Variants in AFAP1 observed in about 807,000 individuals in gnomAD.
The protein encoded by AFAP1 is actin filament-associated protein 1.
AFAP1 carries 75 observed loss-of-function variants against 93.9 expected under a neutral mutation model. The ratio of observed to expected loss-of-function variants is 0.80; its 90% CI spans 0.66 to 0.97. The LOEUF (loss-of-function observed/expected upper bound fraction) is 0.97. Ranked by LOEUF, AFAP1 falls within the 50% of genes least tolerant of loss-of-function variation. The pLI is 0.00. For synonymous variants in AFAP1, 517 were observed against 430.7 expected, an observed-to-expected ratio of 1.20 and a Z score of -2.48; for missense variants, 1,201 against 1,050.8, an observed-to-expected ratio of 1.14 and a Z score of -1.98.
chr4:7,828,555 T>C (rs1277127270), intron 6 of AFAP1, among the ~76,000 whole-genome samples: 1 of 152,106 alleles, frequency 6.6e-6, no homozygotes, highest in Non-Finnish European at 1.5e-5. Flanking sequence ...TCCGGCCTGT[T>C]CTCTGCAGGC....
chr4:7,933,046 G>GT (rs1279297141), intron 1 of AFAP1, among the ~76,000 whole-genome samples: 1 of 150,452 alleles, frequency 6.6e-6, no homozygotes, highest in Non-Finnish European at 1.5e-5. Context: ...AAAAAGGGGG[G>GT]GGATCTTCAC....
chr4:7,853,446 G>A (rs867465277), intron 4 of AFAP1, among the ~76,000 whole-genome samples: 3 of 152,154 alleles, frequency 2.0e-5, no homozygotes, highest in East Asian at 3.9e-4. Flanking sequence ...CGCAGCTCAC[G>A]TGGGCTGTTG....
Position 7,775,191 on chromosome 4 carries a change from T to C in AFAP1, c.1898-288A>G, listed in dbSNP as rs1011255594. 45 of 319,368 alleles carry C rather than the reference T, an allele frequency of 1.4e-4. 1 individual carries two copies. In the South Asian group the frequency reaches 2.6e-3, roughly 19 times the overall value. 19.8% of individuals were successfully genotyped at this position (319,368 alleles called of 1,614,324 possible). ...ATAATGGGGTAACTCAAAAAGCCTG[T>C]TGAATCAGCCAACTCAGTAAACAAA... On this transcript the variant is annotated intron_variant, in intron 14 of 17. Coordinates refer to ENST00000420658, the MANE Select transcript of AFAP1 (RefSeq NM_001134647.2).
chr4:7,851,688 G>A (rs1283845984), intron 4 of AFAP1, among the ~76,000 whole-genome samples: 1 of 152,108 alleles, frequency 6.6e-6, no homozygotes, highest in Non-Finnish European at 1.5e-5. Flanking sequence ...TCAGCAACAC[G>A]GACTTCACTC....
At chr4:7,919,323 A>G (rs551778801) in intron 1 of AFAP1, among the ~76,000 whole-genome samples, 93 of 152,368 alleles carry the variant, frequency 6.1e-4, no homozygotes, top group African/African-American at 2.2e-3. Flanking sequence ...TCACTGCAAC[A>G]CAGAGCTTCA....
chr4:7,774,110 G>A (rs1208210022), intron 15 of AFAP1: 1 of 152,468 alleles, frequency 6.6e-6, no homozygotes. Context: ...CCAGGCTCAG[G>A]AGCTGAGCGC....
rs1342179299 is a variant in AFAP1, at chr4:7,912,814, G to C, written c.-3+26842C>G. 3.3e-5 allele frequency among the ~76,000 whole-genome samples: 5 copies of C among 152,084 alleles called. No homozygotes were observed. The East Asian group carries it at 7.7e-4, about 23-fold the overall frequency. ...TGTATGAGGTATGAGGTTTAGATCA[G>C]AGTTCAGGTTTTTTTTCTATGAATA... On this transcript the variant is annotated intron_variant, in intron 1 of 17. Coordinates refer to ENST00000420658, the MANE Select transcript of AFAP1 (RefSeq NM_001134647.2).
intron 1 of AFAP1, among the ~76,000 whole-genome samples, chr4:7,877,282 C>A (rs997810351): frequency 6.6e-6 from 1 of 152,226 alleles, no homozygotes; most frequent in Non-Finnish European, 1.5e-5. Context: ...TTTCTCACAA[C>A]GGGTCCTGTG....
chr4:7,939,176 A>T lies in AFAP1; in HGVS notation c.-3+480T>A, dbSNP rs7695170. The T allele has an allele frequency of 3.0e-5, 6 of 201,128 alleles. No individual in the cohort carries two copies. The allele number at this position is 201,128 out of a possible 1,614,324, so 12.5% of individuals were successfully genotyped here. On this transcript the variant is annotated intron_variant, in intron 1 of 17. Coordinates refer to ENST00000420658, the MANE Select transcript of AFAP1 (RefSeq NM_001134647.2). This position sits in a 1 kb window ranked among gnomAD's most constrained non-coding sequence, Gnocchi z 5.6. ...ACTCAGGAAGCCGTCATGCGGGGCC[A>T]AGAAAGAGCCCCCATCCAGAGTCAC...
At chr4:7,938,600 G>A (rs1721526788) in intron 1 of AFAP1, among the ~76,000 whole-genome samples, 1 of 152,068 alleles carries the variant, frequency 6.6e-6, no homozygotes, top group Admixed American at 6.5e-5. Flanking sequence ...ACCTCTAACT[G>A]TAACTGCCTT....
At chr4:7,848,131 GTGAGT>G (rs1713978260) in intron 4 of AFAP1, among the ~76,000 whole-genome samples, 4 of 118,118 alleles carry the variant, frequency 3.4e-5, no homozygotes, top group Admixed American at 9.5e-5. Flanking sequence ...AAGGAAGGGA[GTGAGT>G]GAGGGAGTGA....
In AFAP1 at chr4:7,759,791, T is replaced by G. The variant is rs188583120; in HGVS notation, c.*3974A>C. 1.8e-4 allele frequency: 27 copies of G among 152,396 alleles called. No homozygotes were observed. The highest frequency in any genetic ancestry group is 6.5e-4 in the African/African-American group (27 of 41,596). The allele number at this position is 152,396 out of a possible 1,614,324, so 9.4% of individuals were successfully genotyped here. A position where few individuals can be genotyped will look rare whatever the true frequency, so the allele number is the denominator to read the frequency against. The stretch of plus-strand genomic sequence containing the variant: ...GAAGAGGCTGTTTCAAGGATGGACA[T>G]CCACCTGAATGCAGGGGCCACCTGT... On this transcript the variant is annotated 3_prime_UTR_variant, in exon 18 of 18. Transcript: ENST00000420658.
chr4:7,848,325 G>A (rs982980809), intron 4 of AFAP1, among the ~76,000 whole-genome samples: 1 of 152,092 alleles, frequency 6.6e-6, no homozygotes, highest in Non-Finnish European at 1.5e-5. Context: ...CTCACAAAAA[G>A]CTGTCTACCA....
chr4:7,877,884 G>A (rs1011837635), intron 1 of AFAP1, among the ~76,000 whole-genome samples: 1 of 152,164 alleles, frequency 6.6e-6, no homozygotes, highest in Non-Finnish European at 1.5e-5. Context: ...TCTTCGTTGA[G>A]CTGCCTGGCT....
intron 1 of AFAP1, among the ~76,000 whole-genome samples, chr4:7,905,831 C>T (rs1301408077): frequency 6.6e-6 from 1 of 152,228 alleles, no homozygotes; most frequent in Non-Finnish European, 1.5e-5. Context: ...CGTCCCATTT[C>T]TAGAACAACG....
chr4:7,904,390 C>T (rs1719283031), intron 1 of AFAP1, among the ~76,000 whole-genome samples: 1 of 152,166 alleles, frequency 6.6e-6, no homozygotes, highest in Non-Finnish European at 1.5e-5. Context: ...AATTCAAGTT[C>T]CTTCCAATAC....
chr4:7,824,274 T>TA (rs1034624672), intron 6 of AFAP1, among the ~76,000 whole-genome samples: 1 of 152,246 alleles, frequency 6.6e-6, no homozygotes, highest in African/African-American at 2.4e-5. Flanking sequence ...TATTTTGTGG[T>TA]ATTTTGTTTG....
At chr4:7,935,760 A>T (rs1331849607) in intron 1 of AFAP1, among the ~76,000 whole-genome samples, 1 of 152,202 alleles carries the variant, frequency 6.6e-6, no homozygotes, top group Admixed American at 6.5e-5. Flanking sequence ...AGAGCGAATT[A>T]AGTTCCCTGT....
At chr4:7,770,533 C>T (rs1487233345) in intron 16 of AFAP1, among the ~76,000 whole-genome samples, 1 of 152,146 alleles carries the variant, frequency 6.6e-6, no homozygotes, top group Non-Finnish European at 1.5e-5. Flanking sequence ...AAGGCAAGAA[C>T]GCAGGGCAAG....
Sources: allele counts gnomAD v4.1 joint callset (sites outside exome capture counted in the v4.1 genomes callset), GRCh38; gene constraint gnomAD v4.1.1; non-coding constraint Gnocchi (gnomAD v3.1); transcripts MANE v1.5; gene names NCBI Gene and HGNC (gene_info 2026-07-23, HGNC 2026-07-21).